The following SH3YL1 variants were observed in gnomAD, a reference collection of about 807,000 sequenced individuals.
The protein encoded by SH3YL1 is SH3 domain-containing YSC84-like protein 1.
A neutral mutation model predicts 45.8 loss-of-function variants in SH3YL1; 41 were observed. That is an observed-to-expected ratio of 0.89 (90% confidence interval 0.70 to 1.16). The LOEUF is 1.16. Among genes scored for constraint, SH3YL1 ranks in the 50% most tolerant of loss-of-function variants. The pLI is 0.00. For missense variants in SH3YL1, 389 were observed against 409.6 expected, an observed-to-expected ratio of 0.95 and a Z score of 0.43; for synonymous variants, 152 against 151.4, an observed-to-expected ratio of 1.00 and a Z score of -0.03.
At chr2:223,298 A>C (rs1248393755) in intron 9 of SH3YL1, among the ~76,000 whole-genome samples, 6 of 152,180 alleles carry the variant, frequency 3.9e-5, no homozygotes, top group Non-Finnish European at 8.8e-5. Context: ...AGTTTCTAAT[A>C]GAGAAAGGAA....
At chr2:261,225 G>C (rs1018934589) in intron 1 of SH3YL1, 2 of 152,114 alleles carry the variant, frequency 1.3e-5, no homozygotes, top group Non-Finnish European at 2.9e-5. Context: ...TTTTTCCTCT[G>C]CTGTACCATA....
Position 249,831 on chromosome 2 carries a change from C to G in SH3YL1, c.126G>C (p.Ala42=), listed in dbSNP as rs1486213937. ...PDKIIPAHVI[A]KAKGLAILSV... ...ACAGAATTGCAAGGCCTTTAGCCTT[C>G]GCAATTACGTGAGCTGTTAACGTGG... The change falls in exon 3 of 10, where the codon GCG becomes GCC. Residue 42 remains alanine, a synonymous_variant. Coordinates refer to ENST00000356150, the MANE Select transcript of SH3YL1 (RefSeq NM_015677.4). 1 of 1,551,344 alleles carries G rather than the reference C, an allele frequency of 6.4e-7. No homozygotes were observed. The highest frequency in any genetic ancestry group is 2.0e-5 in the Admixed American group (1 of 50,990).
At chr2:231,310 T>C (rs1374459822) in intron 6 of SH3YL1, 119 bp from the exon 7 acceptor site, 1 of 741,102 alleles carries the variant, frequency 1.3e-6, no homozygotes, top group African/African-American at 1.8e-5. Context: ...GCACTTCATA[T>C]ACACTACTTT....
intron 4 of SH3YL1, chr2:242,711 T>G (rs1668594419): frequency 7.1e-7 from 1 of 1,415,196 alleles, no homozygotes; most frequent in Non-Finnish European, 9.2e-7. Flanking sequence ...GCAGAGATTA[T>G]TAGCATGGAT....
Position 233,178 on chromosome 2 carries a change from G to A in SH3YL1, c.456C>T (p.Tyr152=). ...ALRSSAAVFT[Y]CKSRGLFAGV... is the part of the protein sequence containing the mutation. ...CTGCAAAGAGTCCCCTTGACTTGCA[G>A]TACGTGAAGACGGCAGCGGAGCTTC... The change falls in exon 6 of 10, where the codon TAC becomes TAT. Residue 152 remains tyrosine, a synonymous_variant. Coordinates refer to ENST00000356150, the MANE Select transcript of SH3YL1 (RefSeq NM_015677.4). 2.5e-6 allele frequency: 4 copies of A among 1,595,206 alleles called. No individual in the cohort carries two copies. Among genetic ancestry groups the A allele is most frequent in the South Asian group, 2.3e-5 (2 of 88,784 alleles).
intron 5 of SH3YL1, 99 bp from the exon 6 acceptor site, chr2:233,328 G>C: frequency 8.2e-7 from 1 of 1,224,106 alleles, no homozygotes; most frequent in South Asian, 2.8e-5. Context: ...GAATTATTTT[G>C]TTCTGTACCT....
chr2:253,653 G>C (rs566896216), intron 1 of SH3YL1, among the ~76,000 whole-genome samples: 2 of 152,250 alleles, frequency 1.3e-5, no homozygotes, highest in South Asian at 2.1e-4. Flanking sequence ...AAAAACAATT[G>C]TAAGTATCCT....
intron 1 of SH3YL1, among the ~76,000 whole-genome samples, chr2:255,426 C>T (rs1348433283): frequency 1.3e-5 from 2 of 151,942 alleles, no homozygotes; most frequent in Admixed American, 1.3e-4. Flanking sequence ...AGACCCCCAT[C>T]TCTACCAATA....
At chr2:236,182 G>A (rs1306085577) in intron 4 of SH3YL1, among the ~76,000 whole-genome samples, 38 of 71,592 alleles carry the variant, frequency 5.3e-4, no homozygotes, top group Non-Finnish European at 9.0e-4. Context: ...GCAGCAGCAC[G>A]GGCCAGGGGA....
intron 2 of SH3YL1, among the ~76,000 whole-genome samples, chr2:252,129 T>C (rs1422520803): frequency 6.6e-6 from 1 of 152,200 alleles, no homozygotes. Context: ...GTTTAAAACA[T>C]GCATTCCTGG....
intron 1 of SH3YL1, chr2:260,042 G>GA (rs1246753672): frequency 6.6e-6 from 1 of 152,042 alleles, no homozygotes; most frequent in African/African-American, 2.4e-5. Flanking sequence ...GTACAGATAT[G>GA]AAAATATGAA....
rs1019626061 is a variant in SH3YL1 at position 218,601 on chromosome 2, A to T, written c.*210T>A. On this transcript the variant is annotated 3_prime_UTR_variant, in exon 10 of 10. Transcript: ENST00000356150. ...TATAAACTGTATGATATTCTATGAC[A>T]CAGTAAGTGTGATAAAGTTAGTACA... 7.9e-6 allele frequency: 4 copies of T among 508,610 alleles called. No individual in the cohort carries two copies. The Admixed American group carries it at 1.4e-4, about 18-fold the overall frequency. 31.5% of individuals were successfully genotyped at this position (508,610 alleles called of 1,614,324 possible).
chr2:238,568 C>T (rs1405495484), intron 4 of SH3YL1, among the ~76,000 whole-genome samples: 6 of 150,574 alleles, frequency 4.0e-5, no homozygotes, highest in Non-Finnish European at 8.9e-5. Context: ...TGAGTAAAAG[C>T]CAGACTGCTC....
Position 233,114 on chromosome 2 carries a change from C to G in SH3YL1, c.520G>C (p.Glu174Gln). The change falls in exon 6 of 10, where the codon GAA becomes CAA. Residue 174 changes from glutamate (E) to glutamine (Q), a missense_variant. Glu to Gln is a conservative substitution (Grantham distance 29). Coordinates refer to ENST00000356150, the MANE Select transcript of SH3YL1 (RefSeq NM_015677.4). Reference sequence around the variant, plus strand: ...ACTTGAACTGACTTTCTATTAGTTTCTTTCCTTTCAATCAAACAGCTCCCT... The same window carrying G: ...ACTTGAACTGACTTTCTATTAGTTTGTTTCCTTTCAATCAAACAGCTCCCT... ...LEGSCLIERKETNRKFYCQDI... is the reference protein window; with the variant it reads ...LEGSCLIERKQTNRKFYCQDI... 1 of 1,578,710 alleles carries G rather than the reference C, an allele frequency of 6.3e-7. No homozygotes were observed. The highest frequency in any genetic ancestry group is 8.6e-7 in the Non-Finnish European group (1 of 1,161,202).
intron 8 of SH3YL1, among the ~76,000 whole-genome samples, chr2:228,030 A>G (rs145357998): frequency 4.1e-4 from 62 of 152,352 alleles, no homozygotes; most frequent in African/African-American, 1.4e-3. Flanking sequence ...TTACTGAATT[A>G]AAAACTGATA....
chr2:241,765 G>T (rs981950722), intron 4 of SH3YL1: 3 of 152,022 alleles, frequency 2.0e-5, no homozygotes, highest in African/African-American at 7.2e-5. Context: ...GAAAGAACTG[G>T]TCAACTTAGA....
At position 230,452 on chromosome 2, in the gene SH3YL1, T is replaced by C. The variant is rs182578839; in HGVS notation, c.703-408A>G. On this transcript the variant is annotated intron_variant, in intron 7 of 9. Transcript: ENST00000356150. The stretch of plus-strand genomic sequence containing the variant: ...AGGTGCTGTGGAACATCATGAACAA[T>C]GCACACAAATCCCTCGGTGCCCCAA... 22 of 172,256 alleles carry C rather than the reference T, an allele frequency of 1.3e-4. No homozygotes were observed. In the East Asian group the frequency reaches 3.1e-3, roughly 25 times the overall value. 10.7% of individuals were successfully genotyped at this position (172,256 alleles called of 1,614,324 possible). A position where few individuals can be genotyped will look rare whatever the true frequency, so the allele number is the denominator to read the frequency against.
chr2:262,591 CT>C, intron 1 of SH3YL1: 1 of 1,304,112 alleles, frequency 7.7e-7, no homozygotes, highest in Non-Finnish European at 1.0e-6. Context: ...GTGCTTAGGT[CT>C]CAGAGCAGAG....
intron 4 of SH3YL1, chr2:243,620 G>A (rs568538722): frequency 1.8e-5 from 27 of 1,499,470 alleles, no homozygotes; most frequent in South Asian, 4.0e-5. Context: ...CAACATGGAC[G>A]AAGAAGAGTT....
Sources: gnomAD v4.1 joint callset for allele counts (sites outside exome capture counted in the v4.1 genomes callset) on GRCh38, gnomAD v4.1.1 for gene constraint, MANE v1.5 for transcripts, NCBI Gene and HGNC (gene_info 2026-07-23, HGNC 2026-07-21) for gene names.